The following PCDHA1 variants were observed in gnomAD, a reference collection of about 807,000 sequenced individuals.
PCDHA1 encodes the protein protocadherin alpha 1.
In PCDHA1, 42 loss-of-function variants were observed where a neutral mutation model predicts 61.3. The ratio of observed to expected loss-of-function variants is 0.69; its 90% CI spans 0.54 to 0.89. The LOEUF is 0.89. Ranked by LOEUF, PCDHA1 falls within the 40% of genes least tolerant of loss-of-function variation. The pLI, the probability that PCDHA1 is intolerant of heterozygous loss-of-function variation, is 0.00. For missense variants in PCDHA1, 1,256 were observed against 1,235.3 expected, an observed-to-expected ratio of 1.02 and a Z score of -0.25; for synonymous variants, 610 against 553.8, an observed-to-expected ratio of 1.10 and a Z score of -1.43.
chr5:140,981,625 C>T (rs1554243036), intron 2 of PCDHA1, among the ~76,000 whole-genome samples: 2 of 152,096 alleles, frequency 1.3e-5, no homozygotes, highest in Non-Finnish European at 2.9e-5. Context: ...TGAGGGTTTT[C>T]TTGGACATTT....
chr5:140,801,560 G>A (rs1762735852), intron 1 of PCDHA1: 1 of 1,614,242 alleles, frequency 6.2e-7, no homozygotes, highest in Non-Finnish European at 8.5e-7. Context: ...ATGTGGAGGT[G>A]GAAGTGAAGG....
At chr5:140,898,471 C>G (rs1421437999) in intron 1 of PCDHA1, among the ~76,000 whole-genome samples, 1 of 152,108 alleles carries the variant, frequency 6.6e-6, no homozygotes, top group African/African-American at 2.4e-5. Flanking sequence ...GCTTGTTTTT[C>G]TCAGGTTTGT....
At chr5:140,963,204 A>G (rs2095745825) in intron 1 of PCDHA1, among the ~76,000 whole-genome samples, 1 of 152,104 alleles carries the variant, frequency 6.6e-6, no homozygotes, top group African/African-American at 2.4e-5. Flanking sequence ...ATGAAAAAAA[A>G]AACCTCGTGT....
At chr5:140,956,356 T>C (rs1283114496) in intron 1 of PCDHA1, among the ~76,000 whole-genome samples, 3 of 152,218 alleles carry the variant, frequency 2.0e-5, no homozygotes, top group Non-Finnish European at 4.4e-5. Flanking sequence ...ATTTTTAACA[T>C]GAAGGGATGT....
intron 1 of PCDHA1, among the ~76,000 whole-genome samples, chr5:140,961,335 A>G (rs548773476): frequency 1.6e-4 from 24 of 152,322 alleles, no homozygotes; most frequent in African/African-American, 5.8e-4. Context: ...TGAGAGACCA[A>G]GAGTGGATCC....
intron 1 of PCDHA1, among the ~76,000 whole-genome samples, chr5:140,873,452 C>A (rs147398020): frequency 6.4e-4 from 97 of 152,122 alleles, no homozygotes; most frequent in Non-Finnish European, 1.1e-3. Context: ...AACAAATTTG[C>A]ATTTTAGATA....
Position 140,951,565 on chromosome 5 carries a change from T to G in PCDHA1, c.2395-27384T>G, listed in dbSNP as rs151148481. Among the ~76,000 whole-genome samples the G allele has an allele frequency of 1.4e-3, 220 of 152,132 alleles. 1 individual carries two copies. Among genetic ancestry groups the G allele is most frequent in the African/African-American group, 4.9e-3 (203 of 41,508 alleles). ...GGACGGGGGGAAGTGCTACGCACTT[T>G]TAAACAACCAGATTTCACGAGATCT... On this transcript the variant is annotated intron_variant, in intron 1 of 3. Transcript: ENST00000504120.
At chr5:140,829,157 T>A (rs2150163134) in intron 1 of PCDHA1, 10 of 1,613,942 alleles carry the variant, frequency 6.2e-6, no homozygotes, top group Non-Finnish European at 7.6e-6. Flanking sequence ...GACTTCCTTA[T>A]CCTTGCCTGT....
intron 1 of PCDHA1, among the ~76,000 whole-genome samples, chr5:140,950,864 A>G (rs1014752748): frequency 1.3e-5 from 2 of 151,930 alleles, no homozygotes; most frequent in Non-Finnish European, 2.9e-5. Context: ...ATTCTTGTAT[A>G]TTCTATATTG....
Position 140,983,978 on chromosome 5 carries a change from G to A in PCDHA1, c.2542+1415G>A, listed in dbSNP as rs529150173. Among the ~76,000 whole-genome samples the A allele has an allele frequency of 5.3e-5, 8 of 152,266 alleles. No individual in the cohort carries two copies. The South Asian group carries it at 1.5e-3, about 28-fold the overall frequency. Reference sequence around the variant, plus strand: ...AGTCACATTTGTCCAAAAAATATACGAGTTGAAGCAATTCATTAGAGAGCT... The same window carrying A: ...AGTCACATTTGTCCAAAAAATATACAAGTTGAAGCAATTCATTAGAGAGCT... On this transcript the variant is annotated intron_variant, in intron 3 of 3. Transcript: ENST00000504120.
intron 1 of PCDHA1, chr5:140,876,018 A>G: frequency 6.2e-7 from 1 of 1,613,764 alleles, no homozygotes; most frequent in East Asian, 2.2e-5. Flanking sequence ...AGCTTAAAAT[A>G]AAAACAAAAA....
chr5:140,870,147 A>G (rs1554163846), intron 1 of PCDHA1: 2 of 1,614,086 alleles, frequency 1.2e-6, no homozygotes, highest in Non-Finnish European at 1.7e-6. Flanking sequence ...ACTCTCCTGA[A>G]GTCGCCGTGA....
At position 140,916,547 on chromosome 5, in the gene PCDHA1, T is replaced by A. The variant is rs541671578; in HGVS notation, c.2395-62402T>A. On this transcript the variant is annotated intron_variant, in intron 1 of 3. Transcript: ENST00000504120. ...TCCTTCCCACCAAGGCAATGGGTTT[T>A]CTATTTGTCCAGGGTGTGTCTAGAA... Among the ~76,000 whole-genome samples the A allele has an allele frequency of 2.0e-4, 31 of 152,324 alleles. 1 individual carries two copies. Among genetic ancestry groups the A allele is most frequent in the Non-Finnish European group, 3.4e-4 (23 of 68,020 alleles).
chr5:140,853,709 T>C lies in PCDHA1; in HGVS notation c.2394+65025T>C, dbSNP rs1554146825. 2.0e-6 allele frequency: 2 copies of C among 988,258 alleles called. 1 individual carries two copies. The highest frequency in any genetic ancestry group is 2.4e-6 in the Non-Finnish European group (2 of 820,296). The allele number at this position is 988,258 out of a possible 1,614,324, so 61.2% of individuals were successfully genotyped here. A position where few individuals can be genotyped will look rare whatever the true frequency, so the allele number is the denominator to read the frequency against. On this transcript the variant is annotated intron_variant, in intron 1 of 3. Transcript: ENST00000504120. ...CCTTAGACCTGCTAACGCATTAGCA[T>C]TAGCAGCACCTAAGTCCTCATTGAA...
Position 140,883,309 on chromosome 5 carries a change from C to T in PCDHA1, c.2394+94625C>T, listed in dbSNP as rs782264263. The T allele has an allele frequency of 4.3e-6, 7 of 1,613,930 alleles. No individual in the cohort carries two copies. In the Admixed American group the frequency reaches 1.2e-4, roughly 27 times the overall value. ...AAGTACTAGATGTAAATGATAACGCCCCAGAGGTTACCATCACTTCTTTGT... is the reference window on the plus strand; with the variant it reads ...AAGTACTAGATGTAAATGATAACGCTCCAGAGGTTACCATCACTTCTTTGT... On this transcript the variant is annotated intron_variant, in intron 1 of 3. Transcript: ENST00000504120.
rs189785800 is a variant in PCDHA1 at position 141,012,340 on chromosome 5, G to A, written c.*2403G>A. ...TTATTGCTAATAAATGAAAATGGTG[G>A]TATGAAAGAAATGGTGGTCATTTCT... On this transcript the variant is annotated 3_prime_UTR_variant, in exon 4 of 4. Transcript: ENST00000504120. The A allele has an allele frequency of 3.6e-4, 55 of 153,812 alleles. No homozygotes were observed. The East Asian group carries it at 9.6e-3, about 27-fold the overall frequency. 9.5% of individuals were successfully genotyped at this position (153,812 alleles called of 1,614,324 possible).
At chr5:140,889,302 C>T (rs1323356979) in intron 1 of PCDHA1, among the ~76,000 whole-genome samples, 1 of 151,926 alleles carries the variant, frequency 6.6e-6, no homozygotes, top group Non-Finnish European at 1.5e-5. Flanking sequence ...TTGGAGAACT[C>T]ACTGTTGAAG....
intron 3 of PCDHA1, among the ~76,000 whole-genome samples, chr5:141,003,504 G>A (rs1336599901): frequency 9.2e-5 from 14 of 152,020 alleles, no homozygotes; most frequent in African/African-American, 3.4e-4. Context: ...GTAGAGATGG[G>A]GTTTCACCAT....
chr5:140,960,417 A>G (rs1340642372), intron 1 of PCDHA1, among the ~76,000 whole-genome samples: 10 of 152,218 alleles, frequency 6.6e-5, no homozygotes, highest in African/African-American at 1.9e-4. Flanking sequence ...CAAAAAGTCA[A>G]CAATTACTTG....
Sources: allele counts gnomAD v4.1 joint callset (sites outside exome capture counted in the v4.1 genomes callset), GRCh38; gene constraint gnomAD v4.1.1; transcripts MANE v1.5; gene names NCBI Gene and HGNC (gene_info 2026-07-23, HGNC 2026-07-21).